LINGO2: variants seen among roughly 807,000 people sequenced by gnomAD.
The protein encoded by LINGO2 is leucine rich repeat and Ig domain containing 2.
LINGO2 carries 14 observed loss-of-function variants against 30.6 expected under a neutral mutation model. That is an observed-to-expected ratio of 0.46 (90% CI 0.30 to 0.72). The LOEUF is 0.72. LINGO2 is among the 30% of genes least tolerant of loss of function. LINGO2 has a pLI of 0.07. For synonymous variants in LINGO2, 317 were observed against 288.5 expected, an observed-to-expected ratio of 1.10 and a Z score of -1.00; for missense variants, 729 against 751.7, an observed-to-expected ratio of 0.97 and a Z score of 0.35.
At chr9:28,854,001 T>A in the LINGO2 span, among the ~76,000 whole-genome samples, 1 of 152,036 alleles carries the variant, frequency 6.6e-6, no homozygotes, top group African/African-American at 2.4e-5. Flanking sequence ...ATCATCTATA[T>A]AAATTAATTG....
intron 4 of LINGO2, among the ~76,000 whole-genome samples, chr9:28,153,286 A>T (rs1212740946): frequency 2.0e-5 from 3 of 152,124 alleles, no homozygotes; most frequent in African/African-American, 7.2e-5. Context: ...TTTTTGTCTA[A>T]TTGTGAAGTA....
intron 5 of LINGO2, among the ~76,000 whole-genome samples, chr9:27,981,424 C>T (rs554527223): frequency 3.4e-5 from 5 of 148,982 alleles, no homozygotes; most frequent in Admixed American, 2.0e-4. Context: ...CACTAAAGTT[C>T]GTATTATTTC....
intron 4 of LINGO2, among the ~76,000 whole-genome samples, chr9:28,052,797 T>A (rs1824737313): frequency 6.6e-6 from 1 of 152,090 alleles, no homozygotes; most frequent in African/African-American, 2.4e-5. Context: ...CTCAAGTACA[T>A]GACATTTGGC....
intron 1 of LINGO2, among the ~76,000 whole-genome samples, chr9:28,666,820 T>A (rs1563903317): frequency 6.6e-6 from 1 of 152,198 alleles, no homozygotes; most frequent in Admixed American, 6.5e-5. Context: ...TGTCAGTTTT[T>A]CTCAGCTAGA....
intron 4 of LINGO2, among the ~76,000 whole-genome samples, chr9:28,064,981 G>T (rs1825268408): frequency 6.6e-6 from 1 of 150,728 alleles, no homozygotes; most frequent in African/African-American, 2.4e-5. Context: ...TAGAGCCCTA[G>T]AAAGAGACTT....
At chr9:29,062,233 T>C in the LINGO2 span, among the ~76,000 whole-genome samples, 1 of 152,222 alleles carries the variant, frequency 6.6e-6, no homozygotes, top group South Asian at 2.1e-4. Context: ...TGTGCACTGT[T>C]GCTGGGGATA....
the LINGO2 span, among the ~76,000 whole-genome samples, chr9:28,951,957 T>C: frequency 1.3e-5 from 2 of 152,134 alleles, no homozygotes; most frequent in Non-Finnish European, 2.9e-5. Context: ...TCAACATCAC[T>C]GATCATTAGA....
At chr9:28,149,086 G>A (rs1827905084) in intron 4 of LINGO2, 16 of 1,534,314 alleles carry the variant, frequency 1.0e-5, no homozygotes, top group Middle Eastern at 4.5e-4. Context: ...TGGTGGGTCA[G>A]GCTTCCCAAA....
the LINGO2 span, among the ~76,000 whole-genome samples, chr9:29,069,543 T>C: frequency 1.3e-5 from 2 of 151,808 alleles, no homozygotes; most frequent in Admixed American, 6.6e-5. Flanking sequence ...GCATGCAGAG[T>C]TCCATATATT....
At chr9:28,819,346 C>T in the LINGO2 span, among the ~76,000 whole-genome samples, 23 of 152,142 alleles carry the variant, frequency 1.5e-4, no homozygotes, top group Admixed American at 1.2e-3. Flanking sequence ...ACCCATCATC[C>T]TTCTTCCCCT....
At chr9:28,863,493 T>C in the LINGO2 span, 5 of 374,128 alleles carry the variant, frequency 1.3e-5, no homozygotes, top group Non-Finnish European at 1.1e-5. Context: ...AAGCACCAAA[T>C]AGAAGGATTC....
the LINGO2 span, among the ~76,000 whole-genome samples, chr9:29,061,120 C>T: frequency 6.6e-6 from 1 of 151,756 alleles, no homozygotes; most frequent in East Asian, 1.9e-4. Flanking sequence ...TTGAAAGCAG[C>T]TAGGAAAAAA....
chr9:28,823,350 C>G, the LINGO2 span, among the ~76,000 whole-genome samples: 6 of 152,106 alleles, frequency 3.9e-5, no homozygotes, highest in Admixed American at 3.3e-4. Flanking sequence ...GGAAGGAGGT[C>G]AATATATTAA....
chr9:28,673,928 A>C (rs1425661564), upstream of LINGO2, among the ~76,000 whole-genome samples: 1 of 151,992 alleles, frequency 6.6e-6, no homozygotes, highest in Non-Finnish European at 1.5e-5. Flanking sequence ...AACAGACAAA[A>C]GATACCCCCA....
intron 4 of LINGO2, among the ~76,000 whole-genome samples, chr9:28,102,398 G>A (rs368588601): frequency 6.6e-6 from 1 of 151,916 alleles, no homozygotes; most frequent in East Asian, 1.9e-4. Flanking sequence ...CCAGAAATGA[G>A]GTAAAAGATG....
At chr9:29,007,456 A>C in the LINGO2 span, among the ~76,000 whole-genome samples, 1 of 152,116 alleles carries the variant, frequency 6.6e-6, no homozygotes, top group Non-Finnish European at 1.5e-5. Flanking sequence ...AAGATGGTTT[A>C]AATATATATA....
the LINGO2 span, among the ~76,000 whole-genome samples, chr9:28,996,921 G>C: frequency 6.6e-6 from 1 of 152,158 alleles, no homozygotes; most frequent in African/African-American, 2.4e-5. Context: ...GTCACTAAAA[G>C]TTAGGGACAT....
chr9:28,084,610 C>T (rs1314847751), intron 4 of LINGO2, among the ~76,000 whole-genome samples: 1 of 152,026 alleles, frequency 6.6e-6, no homozygotes, highest in African/African-American at 2.4e-5. Context: ...GAAGCTTTGG[C>T]TCATTTTGTT....
At chr9:28,713,365 T>A in the LINGO2 span, among the ~76,000 whole-genome samples, 1 of 152,156 alleles carries the variant, frequency 6.6e-6, no homozygotes, top group South Asian at 2.1e-4. Flanking sequence ...CTCTAACTAG[T>A]CATGAAGCTG....
Sources: allele counts gnomAD v4.1 joint callset (sites outside exome capture counted in the v4.1 genomes callset), GRCh38; gene constraint gnomAD v4.1.1; transcripts MANE v1.5; gene names NCBI Gene and HGNC (gene_info 2026-07-23, HGNC 2026-07-21).